The following CDH23 variants were observed in gnomAD, a reference collection of about 807,000 sequenced individuals.
CDH23 encodes the protein cadherin-23.
A neutral mutation model predicts 317.1 loss-of-function variants in CDH23; 189 were observed. The observed-to-expected ratio is 0.60, with a 90% confidence interval of 0.53 to 0.67. The LOEUF (loss-of-function observed/expected upper bound fraction) is 0.67, where lower values mean the gene tolerates loss of function less well. Among genes scored for constraint, CDH23 ranks in the 30% least tolerant of loss-of-function variants. The pLI is 0.00. For missense variants in CDH23, 4,401 were observed against 4,592.4 expected (o/e 0.96, Z 1.20); for synonymous variants, 1,839 against 1,876.8 (o/e 0.98, Z 0.52).
intron 1 of CDH23, among the ~76,000 whole-genome samples, chr10:71,415,373 G>A (rs548508205): frequency 5.0e-4 from 76 of 152,268 alleles, no homozygotes; most frequent in African/African-American, 1.7e-3. Flanking sequence ...TATTACAGGC[G>A]TGAGCCACTG....
intron 9 of CDH23, among the ~76,000 whole-genome samples, chr10:71,586,230 G>A (rs187921512): frequency 2.6e-5 from 4 of 152,296 alleles, no homozygotes; most frequent in Admixed American, 6.5e-5. Flanking sequence ...TTTGGTGGGC[G>A]ATTCTGGTTA....
rs563248096 is a variant in CDH23, at chr10:71,486,138, G to A, written c.146-23944G>A. 3.3e-5 allele frequency among the ~76,000 whole-genome samples: 5 copies of A among 152,298 alleles called. 1 individual carries two copies. In the South Asian group the frequency reaches 6.2e-4, roughly 19 times the overall value. On this transcript the variant is annotated intron_variant, in intron 3 of 69. Transcript: ENST00000224721. ...TGGATAAATGGGAGAATTAAGCTGC[G>A]AAGACATTATTAAACACAAGACTCT...
At chr10:71,610,375 G>A (rs1411682711) in intron 9 of CDH23, among the ~76,000 whole-genome samples, 1 of 152,150 alleles carries the variant, frequency 6.6e-6, no homozygotes. Context: ...TCTCTTATTT[G>A]CCTCATCCTA....
Position 71,732,309 on chromosome 10 carries a change from C to G in CDH23, c.4038C>G (p.Ile1346Met), listed in dbSNP as rs1197460691. The G allele has an allele frequency of 6.2e-7, 1 of 1,609,842 alleles. No individual in the cohort carries two copies. Among genetic ancestry groups the G allele is most frequent in the Non-Finnish European group, 8.5e-7 (1 of 1,177,952 alleles). ...QAYSIDNLNQ[I>M]TYRFNAYTST... ...ACTCCATCGACAACCTCAACCAAAT[C>G]ACGTACCGCTTCAACGCCTACACCA... is the stretch of plus-strand genomic sequence containing the variant. The change falls in exon 32 of 70, where the codon ATC (isoleucine) becomes ATG (methionine). Residue 1346 changes from isoleucine to methionine, a missense_variant. By Grantham distance (10) the Ile-to-Met change is conservative. Transcript: ENST00000224721.
intron 35 of CDH23, 110 bp from the exon 36 acceptor site, chr10:71,739,534 C>T: frequency 1.5e-6 from 2 of 1,372,452 alleles, no homozygotes; most frequent in South Asian, 2.8e-5. Context: ...AAAGCCCTTG[C>T]TCAACAGAGG....
intron 6 of CDH23, among the ~76,000 whole-genome samples, chr10:71,534,461 A>T (rs3861030): frequency 2.0e-5 from 3 of 151,846 alleles, no homozygotes; most frequent in Non-Finnish European, 4.4e-5. Flanking sequence ...TACTCAAGTC[A>T]GTCTTTTGCT....
chr10:71,564,633 C>T (rs976634180), intron 6 of CDH23, among the ~76,000 whole-genome samples: 2 of 152,348 alleles, frequency 1.3e-5, no homozygotes, highest in South Asian at 2.1e-4. Context: ...CTCGCCTCCC[C>T]GAGGCAGGGA....
chr10:71,716,400 G>C (rs1866240988), intron 28 of CDH23: 1 of 1,382,732 alleles, frequency 7.2e-7, no homozygotes, highest in African/African-American at 1.5e-5. Flanking sequence ...AGGGCAGCGG[G>C]TATAGGGAAG....
At chr10:71,547,209 C>T (rs1261350963) in intron 6 of CDH23, among the ~76,000 whole-genome samples, 4 of 152,176 alleles carry the variant, frequency 2.6e-5, no homozygotes, top group Admixed American at 6.5e-5. Context: ...CAAATACAGC[C>T]AAGGACCCGA....
intron 6 of CDH23, among the ~76,000 whole-genome samples, chr10:71,556,632 T>A (rs1856889364): frequency 6.6e-6 from 1 of 151,620 alleles, no homozygotes; most frequent in Admixed American, 6.6e-5. Flanking sequence ...CACTCAGTGG[T>A]GCAGCCATAG....
At chr10:71,651,131 G>A (rs975233820) in intron 14 of CDH23, among the ~76,000 whole-genome samples, 10 of 152,160 alleles carry the variant, frequency 6.6e-5, no homozygotes, top group Admixed American at 6.5e-5. Context: ...GGGAGTACGC[G>A]AACCTCTAAT....
rs34475820 is a variant in CDH23, at chr10:71,814,713, TACACACACACAC to T, written c.9739-227_9739-216del. On this transcript the variant is annotated intron_variant, in intron 69 of 69. Coordinates refer to ENST00000224721, the MANE Select transcript of CDH23 (RefSeq NM_022124.6). ...ACACACAATTTTCACAAGAAGCCGA[TACACACACACAC>T]ACACACACACAGATTTTCACAAGAA... 1.1e-4 allele frequency among the ~76,000 whole-genome samples: 16 copies of T among 146,992 alleles called. 1 individual carries two copies. The highest frequency in any genetic ancestry group is 3.7e-4 in the African/African-American group (15 of 40,086).
chr10:71,723,505 T>C (rs1866656307), intron 28 of CDH23, among the ~76,000 whole-genome samples: 1 of 152,052 alleles, frequency 6.6e-6, no homozygotes, highest in Admixed American at 6.5e-5. Context: ...ACTGGGGTGA[T>C]GGTGCGTGTG....
intron 9 of CDH23, among the ~76,000 whole-genome samples, chr10:71,594,622 G>A (rs536736173): frequency 2.0e-5 from 3 of 152,270 alleles, no homozygotes; most frequent in South Asian, 2.1e-4. Context: ...GTCTCTGCCC[G>A]CCTTGGCCTC....
intron 24 of CDH23, 126 bp from the exon 25 acceptor site, chr10:71,704,785 G>GA: frequency 2.6e-6 from 2 of 758,982 alleles, no homozygotes; most frequent in Admixed American, 4.2e-5. Context: ...CTAAGGCTTG[G>GA]AGGGGAGCAG....
chr10:71,696,315 A>G (rs1373929509), intron 22 of CDH23, among the ~76,000 whole-genome samples: 2 of 152,200 alleles, frequency 1.3e-5, no homozygotes, highest in Non-Finnish European at 2.9e-5. Context: ...TGTGGGGGAC[A>G]TGAATCCTGG....
At chr10:71,426,301 G>T (rs73281867) in intron 1 of CDH23, among the ~76,000 whole-genome samples, 1 of 152,322 alleles carries the variant, frequency 6.6e-6, no homozygotes, top group Non-Finnish European at 1.5e-5. Context: ...ACTTTCAGAG[G>T]GGGGCCAGGA....
At chr10:71,416,363 T>G (rs1351282973) in intron 1 of CDH23, among the ~76,000 whole-genome samples, 4 of 152,204 alleles carry the variant, frequency 2.6e-5, no homozygotes, top group African/African-American at 9.7e-5. Flanking sequence ...AATTTTTTTC[T>G]ACTATCTCTT....
Position 71,739,744 on chromosome 10 carries a change from G to C in CDH23, c.4460G>C (p.Arg1487Thr). 6.2e-7 allele frequency: 1 copy of C among 1,612,794 alleles called. No homozygotes were observed. Among genetic ancestry groups the C allele is most frequent in the East Asian group, 2.2e-5 (1 of 44,876 alleles). The part of the protein sequence containing the change: ...GEVFVARPLD[R>T]EELDHYILQV... Reference sequence around the variant, plus strand: ...GTGTTTGTGGCCAGGCCCCTGGACAGAGAAGAGCTGGATCACTACATCCTC... The same window carrying C: ...GTGTTTGTGGCCAGGCCCCTGGACACAGAAGAGCTGGATCACTACATCCTC... The change falls in exon 36 of 70, where the codon AGA (arginine) becomes ACA (threonine). Residue 1487 changes from arginine to threonine, a missense_variant. This residue lies in a region of CDH23 where 3,068 missense variants were observed against 3,203.3 expected (regional missense o/e 0.96). Coordinates refer to ENST00000224721, the MANE Select transcript of CDH23 (RefSeq NM_022124.6).
Sources: allele counts gnomAD v4.1 joint callset (sites outside exome capture counted in the v4.1 genomes callset), GRCh38; gene constraint gnomAD v4.1.1; regional missense constraint gnomAD v4.1.1; transcripts MANE v1.5; gene names NCBI Gene and HGNC (gene_info 2026-07-23, HGNC 2026-07-21).